The following CAST variants were observed in gnomAD, a reference collection of about 807,000 sequenced individuals.
CAST encodes MIR583 host.
Under a neutral mutation model 119.6 loss-of-function variants are expected in CAST, and 76 were observed. That is an observed-to-expected ratio of 0.64 (90% CI 0.53 to 0.77). The LOEUF (loss-of-function observed/expected upper bound fraction) is 0.77, where lower values mean the gene tolerates loss of function less well. CAST is among the 30% of genes least tolerant of loss of function. The pLI, the probability that CAST is intolerant of heterozygous loss-of-function variation, is 0.00. For synonymous variants in CAST, 319 were observed against 331.6 expected (o/e 0.96, Z 0.41); for missense variants, 953 against 946.5 (o/e 1.01, Z -0.09).
At chr5:96,156,196 C>A in the CAST span, among the ~76,000 whole-genome samples, 1 of 152,320 alleles carries the variant, frequency 6.6e-6, no homozygotes, top group African/African-American at 2.4e-5. Flanking sequence ...AGAGGACATT[C>A]ATTTAATTAG....
chr5:96,598,843 ACTC>A (rs1313877643), intron 1 of CAST, among the ~76,000 whole-genome samples: 5 of 151,700 alleles, frequency 3.3e-5, no homozygotes, highest in Non-Finnish European at 5.9e-5. Flanking sequence ...GTACGAGAGG[ACTC>A]CTCCTGTCTG....
chr5:96,111,503 C>G, the CAST span, among the ~76,000 whole-genome samples: 1 of 152,188 alleles, frequency 6.6e-6, no homozygotes. Flanking sequence ...ATCCTCTAAA[C>G]ACACAGTTGG....
chr5:96,710,207 C>A lies in CAST; in HGVS notation c.211-12432C>A, dbSNP rs182485953. On this transcript the variant is annotated intron_variant, in intron 3 of 31. Transcript: ENST00000675179. Reference sequence around the variant, plus strand: ...AAGGTAATTTTGAAGAGTCATTTTGCAAATTTATCCTAATATCTTATGTGA... The same window carrying A: ...AAGGTAATTTTGAAGAGTCATTTTGAAAATTTATCCTAATATCTTATGTGA... Among the ~76,000 whole-genome samples, 147 of 152,214 alleles carry A rather than the reference C, an allele frequency of 9.7e-4. 1 individual carries two copies. Among genetic ancestry groups the A allele is most frequent in the African/African-American group, 3.5e-3 (144 of 41,522 alleles).
At chr5:96,410,779 T>C in the CAST span, 1 of 1,612,780 alleles carries the variant, frequency 6.2e-7, no homozygotes, top group African/African-American at 1.3e-5. Flanking sequence ...CATACGATTC[T>C]CTGGTCGGTG....
At chr5:95,990,237 T>A in the CAST span, among the ~76,000 whole-genome samples, 1 of 152,118 alleles carries the variant, frequency 6.6e-6, no homozygotes, top group Non-Finnish European at 1.5e-5. Flanking sequence ...TATAGTATCA[T>A]GTCCAGAGTC....
chr5:96,693,800 T>G (rs929611367), intron 2 of CAST, among the ~76,000 whole-genome samples: 5 of 152,254 alleles, frequency 3.3e-5, no homozygotes, highest in African/African-American at 4.8e-5. Context: ...CCTTTTACCA[T>G]CTCACATATC....
chr5:96,683,511 C>T (rs1053348345), intron 2 of CAST, among the ~76,000 whole-genome samples: 1 of 152,178 alleles, frequency 6.6e-6, no homozygotes. Context: ...TGGCTTTCCA[C>T]TTTAAACTCT....
intron 1 of CAST, among the ~76,000 whole-genome samples, chr5:96,641,492 A>G (rs1297276829): frequency 1.3e-5 from 2 of 152,188 alleles, no homozygotes; most frequent in Non-Finnish European, 1.5e-5. Flanking sequence ...CTGGGCCAAC[A>G]ACTAACTAGC....
At chr5:96,220,606 G>A in the CAST span, among the ~76,000 whole-genome samples, 1 of 152,294 alleles carries the variant, frequency 6.6e-6, no homozygotes, top group Admixed American at 6.5e-5. Flanking sequence ...TTCTGACTCT[G>A]TTTCAAACAT....
At chr5:96,016,829 GTTT>G in the CAST span, among the ~76,000 whole-genome samples, 1 of 97,684 alleles carries the variant, frequency 1.0e-5, no homozygotes, top group South Asian at 3.8e-4. Context: ...GGTTATCTGG[GTTT>G]TTTTTTTTTT....
At chr5:96,062,186 A>G in the CAST span, among the ~76,000 whole-genome samples, 1 of 152,170 alleles carries the variant, frequency 6.6e-6, no homozygotes, top group Non-Finnish European at 1.5e-5. Context: ...GGAACCCTTT[A>G]CAGCAAAAGA....
At chr5:96,307,243 T>C in the CAST span, among the ~76,000 whole-genome samples, 1 of 152,174 alleles carries the variant, frequency 6.6e-6, no homozygotes, top group African/African-American at 2.4e-5. Context: ...TTGGTTTAAA[T>C]TCTGTTTCAT....
intron 11 of CAST, among the ~76,000 whole-genome samples, chr5:96,739,377 T>C (rs984705749): frequency 1.3e-5 from 2 of 152,210 alleles, no homozygotes; most frequent in African/African-American, 4.8e-5. Context: ...CAGTGCTTTA[T>C]AGTGGTTAAA....
the CAST span, among the ~76,000 whole-genome samples, chr5:96,427,032 G>A: frequency 1.3e-5 from 2 of 152,320 alleles, no homozygotes; most frequent in African/African-American, 4.8e-5. Flanking sequence ...TATCATCTGA[G>A]TTGATCTCTG....
At chr5:96,204,516 A>G in the CAST span, among the ~76,000 whole-genome samples, 2 of 152,220 alleles carry the variant, frequency 1.3e-5, no homozygotes, top group South Asian at 2.1e-4. Context: ...CCAGGCTACA[A>G]GTTCCCACAG....
At chr5:96,463,033 G>T in the CAST span, among the ~76,000 whole-genome samples, 1 of 152,118 alleles carries the variant, frequency 6.6e-6, no homozygotes, top group African/African-American at 2.4e-5. Flanking sequence ...TTTCTTTATA[G>T]CAGCATGAAA....
At position 96,722,934 on chromosome 5, in the gene CAST, G is replaced by GTTGTTTTGTT. The variant is rs199768677; in HGVS notation, c.270+255_270+264dup. On this transcript the variant is annotated intron_variant, in intron 4 of 31. Transcript: ENST00000675179. ...ATCTAGAAAAGTAGAGTCACCTAGA[G>GTTGTTTTGTT]TTGTTTTGTTTTGTTTTGTTTTGTT... Among the ~76,000 whole-genome samples the GTTGTTTTGTT allele has an allele frequency of 1.0e-3, 154 of 151,868 alleles. 1 individual carries two copies. In the East Asian group the frequency reaches 0.014, roughly 13 times the overall value.
At chr5:96,506,564 C>A in the CAST span, among the ~76,000 whole-genome samples, 2 of 152,086 alleles carry the variant, frequency 1.3e-5, no homozygotes, top group African/African-American at 4.8e-5. Context: ...ACCAAAGATT[C>A]CTGCCATCTT....
At chr5:96,490,104 A>G in the CAST span, among the ~76,000 whole-genome samples, 1 of 152,222 alleles carries the variant, frequency 6.6e-6, no homozygotes, top group Non-Finnish European at 1.5e-5. Context: ...CAAGGGCCAT[A>G]TAAGTATGAT....
Sources: gnomAD v4.1 joint callset for allele counts (sites outside exome capture counted in the v4.1 genomes callset) on GRCh38, gnomAD v4.1.1 for gene constraint, MANE v1.5 for transcripts, NCBI Gene and HGNC (gene_info 2026-07-23, HGNC 2026-07-21) for gene names.